Variants in NBR1 observed in about 807,000 individuals in gnomAD.
NBR1 encodes NBR1 autophagy cargo receptor, also known as next to BRCA1 gene 1 protein.
In NBR1, 59 loss-of-function variants were observed where a neutral mutation model predicts 115.5. The ratio of observed to expected loss-of-function variants is 0.51; its 90% CI spans 0.41 to 0.63. The LOEUF (loss-of-function observed/expected upper bound fraction) is 0.63, where lower values mean the gene tolerates loss of function less well. Among genes scored for constraint, NBR1 ranks in the 30% least tolerant of loss-of-function variants. The probability of loss-of-function intolerance (pLI) is 0.00; values close to 1 mark genes in which losing one functional copy is unlikely to be tolerated. For missense variants in NBR1, 1,043 were observed against 1,150.5 expected (o/e 0.91, Z 1.35); for synonymous variants, 373 against 414.7 (o/e 0.90, Z 1.22).
rs2057248808 is a variant in NBR1 at position 43,203,539 on chromosome 17, T to C, written c.2622-142T>C. ...CCATGATCTGTAGCTATAAAGCTGA[T>C]AATGAAAGCAATTGTGTTCTCTTTT... On this transcript the variant is annotated intron_variant, in intron 19 of 20. Transcript: ENST00000590996. 1.8e-5 allele frequency: 10 copies of C among 566,148 alleles called. No individual in the cohort carries two copies. The South Asian group carries it at 2.2e-4, about 12-fold the overall frequency. The allele number at this position is 566,148 out of a possible 1,614,324, so 35.1% of individuals were successfully genotyped here. A position where few individuals can be genotyped will look rare whatever the true frequency, so the allele number is the denominator to read the frequency against.
In NBR1 at chr17:43,209,768, A is replaced by T. The variant is rs1468250816; in HGVS notation, c.2728-133A>T. 8.8e-6 allele frequency: 13 copies of T among 1,483,546 alleles called. No homozygotes were observed. In the East Asian group the frequency reaches 2.5e-4, roughly 28 times the overall value. The allele number at this position is 1,483,546 out of a possible 1,614,324, so 91.9% of individuals were successfully genotyped here. A position where few individuals can be genotyped will look rare whatever the true frequency, so the allele number is the denominator to read the frequency against. ...AGTACACAGGAGTGCCATAGCCTTG[A>T]ATCTAATTACCTAGTACTTTGAATA... On this transcript the variant is annotated intron_variant, in intron 20 of 20. Coordinates refer to ENST00000590996, the MANE Select transcript of NBR1 (RefSeq NM_005899.5).
intron 3 of NBR1, 63 bp from the exon 4 acceptor site, chr17:43,179,330 AG>A: frequency 6.7e-7 from 1 of 1,484,686 alleles, no homozygotes; most frequent in South Asian, 1.2e-5. Context: ...GGCTGGTCCT[AG>A]TAACAGAAAT....
intron 18 of NBR1, 126 bp downstream of exon 18, chr17:43,201,906 G>T: frequency 3.2e-6 from 2 of 631,814 alleles, no homozygotes; most frequent in Non-Finnish European, 5.6e-6. Flanking sequence ...CAGGCCAGGC[G>T]TGGTGGCTCA....
At chr17:43,204,258 A>G (rs879748551) in intron 20 of NBR1, among the ~76,000 whole-genome samples, 3 of 151,996 alleles carry the variant, frequency 2.0e-5, no homozygotes, top group Non-Finnish European at 4.4e-5. Context: ...CTTTCTAACT[A>G]TATGACTTTA....
At position 43,186,523 on chromosome 17, in the gene NBR1, TTA is replaced by T. The variant is rs2154582110; in HGVS notation, c.402+81_402+82del. ...ATAAAGCTGAACAGGTTTCTTTATT[TTA>T]TTTTTTTATTATACTTTAAGTTCTG... is the stretch of plus-strand genomic sequence containing the variant. On this transcript the variant is annotated intron_variant, in intron 6 of 20. Transcript: ENST00000590996. The T allele has an allele frequency of 8.4e-6, 10 of 1,186,856 alleles. No homozygotes were observed. The South Asian group carries it at 2.1e-4, about 25-fold the overall frequency. 73.5% of individuals were successfully genotyped at this position (1,186,856 alleles called of 1,614,324 possible).
At chr17:43,202,748 G>A (rs1322597861) in intron 19 of NBR1, 36 bp downstream of exon 19, 5 of 1,512,114 alleles carry the variant, frequency 3.3e-6, no homozygotes, top group Middle Eastern at 1.7e-4. Context: ...TTCAGAAGCA[G>A]GTGGATATTC....
At position 43,193,403 on chromosome 17, in the gene NBR1, T is replaced by C; in HGVS notation, c.1289T>C (p.Leu430Ser). Reference protein sequence around the residue: ...TLASTEKKDVLVPCLKAGHVG... With the variant: ...TLASTEKKDVSVPCLKAGHVG... ...GCTTCCACAGAAAAGAAGGATGTTT[T>C]GGTTCCCTGCCTCAAGGCCGGCCAT... The change falls in exon 12 of 21, where the codon TTG becomes TCG. Residue 430 changes from leucine (L) to serine (S), a missense_variant. Transcript: ENST00000590996. 6.2e-7 allele frequency: 1 copy of C among 1,614,024 alleles called. No individual in the cohort carries two copies. Among genetic ancestry groups the C allele is most frequent in the Non-Finnish European group, 8.5e-7 (1 of 1,179,896 alleles).
chr17:43,189,809 A>G lies in NBR1; in HGVS notation c.695+7A>G. 2.5e-6 allele frequency: 4 copies of G among 1,612,756 alleles called. No homozygotes were observed. The highest frequency in any genetic ancestry group is 3.4e-6 in the Non-Finnish European group (4 of 1,179,512). ...GTGTCCGCTACCAGTGTAGGTAAGC[A>G]GTTGCTTGGGAGTAGCTAGCTAGTG... On this transcript the variant is annotated splice_region_variant and intron_variant, in intron 8 of 20. Coordinates refer to ENST00000590996, the MANE Select transcript of NBR1 (RefSeq NM_005899.5).
chr17:43,202,821 G>A, intron 19 of NBR1, 109 bp downstream of exon 19: 1 of 844,668 alleles, frequency 1.2e-6, no homozygotes, highest in Non-Finnish European at 1.9e-6. Context: ...GAGCAGAGAA[G>A]GGGAGCCTTT....
Position 43,189,847 on chromosome 17 carries a change from G to A in NBR1, c.695+45G>A, listed in dbSNP as rs1465946125. On this transcript the variant is annotated intron_variant, in intron 8 of 20. Transcript: ENST00000590996. ...TAGCTAGCTAGTGATAGACCTTACA[G>A]CTTTTACCTCCCTGGCTTTCTGTGT... 3 of 1,517,190 alleles carry A rather than the reference G, an allele frequency of 2.0e-6. No individual in the cohort carries two copies. The African/African-American group carries it at 4.1e-5, about 21-fold the overall frequency. The allele number at this position is 1,517,190 out of a possible 1,614,324, so 94.0% of individuals were successfully genotyped here. A position where few individuals can be genotyped will look rare whatever the true frequency, so the allele number is the denominator to read the frequency against.
chr17:43,193,090 T>G lies in NBR1; in HGVS notation c.1074-4T>G, dbSNP rs759409739. ...AGTGACTAAGCATCTGAATTTCTGT[T>G]CAGGCTCCCTTTGCAGCCCTGTACC... On this transcript the variant is annotated splice_region_variant and splice_polypyrimidine_tract_variant and intron_variant, in intron 10 of 20. Coordinates refer to ENST00000590996, the MANE Select transcript of NBR1 (RefSeq NM_005899.5). 3 of 1,612,894 alleles carry G rather than the reference T, an allele frequency of 1.9e-6. No individual in the cohort carries two copies. Among genetic ancestry groups the G allele is most frequent in the Admixed American group, 3.3e-5 (2 of 59,896 alleles).
chr17:43,191,443 G>A lies in NBR1; in HGVS notation c.935G>A (p.Arg312His), dbSNP rs115552058. ...KQRLRAEKKQ[R>H]KAEVKELKKQ... is the part of the protein sequence containing the mutation. ...AGGTTGCGAGCTGAGAAGAAACAAC[G>A]TAAAGCAGAGGTCAAGGAACTTAAA... The change falls in exon 10 of 21, where the codon CGT becomes CAT. Residue 312 changes from arginine (R) to histidine (H), a missense_variant. Coordinates refer to ENST00000590996, the MANE Select transcript of NBR1 (RefSeq NM_005899.5). 2.7e-3 allele frequency: 4,365 copies of A among 1,613,094 alleles called. 72 individuals are homozygous for A. The African/African-American group carries it at 0.046, about 17-fold the overall frequency.
At position 43,189,104 on chromosome 17, in the gene NBR1, A is replaced by G. The variant is rs1014516172; in HGVS notation, c.465A>G (p.Thr155=). 2.5e-6 allele frequency: 4 copies of G among 1,611,216 alleles called. No individual in the cohort carries two copies. The highest frequency in any genetic ancestry group is 3.3e-4 in the Middle Eastern group (2 of 6,080). Residue 155 remains threonine, a synonymous_variant, in exon 7 of 21, where the codon ACA becomes ACG. Coordinates refer to ENST00000590996, the MANE Select transcript of NBR1 (RefSeq NM_005899.5). ...QPQDKPPDWF[T]SYLETFREQV... is the part of the protein sequence containing the mutation. ...AAGACAAGCCCCCAGACTGGTTCACAAGCTACCTGGAGACGGTGAGTGTTC... is the reference window on the plus strand; with the variant it reads ...AAGACAAGCCCCCAGACTGGTTCACGAGCTACCTGGAGACGGTGAGTGTTC...
chr17:43,176,821 A>G (rs2056528072), intron 2 of NBR1: 1 of 152,108 alleles, frequency 6.6e-6, no homozygotes, highest in Non-Finnish European at 1.5e-5. Context: ...ATACATGCCC[A>G]TTTTAAGAAG....
rs1330426594 is a variant in NBR1 at position 43,209,981 on chromosome 17, A to G, written c.2808A>G (p.Leu936=). Residue 936 remains leucine (L), a synonymous_variant, in exon 21 of 21, where the codon CTA becomes CTG. Coordinates refer to ENST00000590996, the MANE Select transcript of NBR1 (RefSeq NM_005899.5). ...EMGFCDRQLN[L]RLLKKHNYNI... ...GATTCTGTGACAGGCAGCTGAACCT[A>G]CGGCTGCTGAAGAAACACAATTACA... 1.2e-6 allele frequency: 2 copies of G among 1,612,098 alleles called. No homozygotes were observed. Among genetic ancestry groups the G allele is most frequent in the African/African-American group, 2.7e-5 (2 of 74,732 alleles).
chr17:43,183,704 G>A (rs2056730655), intron 5 of NBR1, among the ~76,000 whole-genome samples: 1 of 152,160 alleles, frequency 6.6e-6, no homozygotes, highest in Non-Finnish European at 1.5e-5. Flanking sequence ...CTGTCACCCA[G>A]ACTGGAGTGC....
intron 6 of NBR1, among the ~76,000 whole-genome samples, chr17:43,188,170 G>A (rs1050475928): frequency 6.6e-6 from 1 of 152,176 alleles, no homozygotes; most frequent in African/African-American, 2.4e-5. Context: ...GATTACAGGC[G>A]TGAGCCACTG....
intron 20 of NBR1, chr17:43,209,460 C>T: frequency 2.1e-6 from 2 of 964,846 alleles, no homozygotes; most frequent in Non-Finnish European, 3.1e-6. Context: ...TGTCCAGCTC[C>T]TCTGCATATC....
At position 43,193,102 on chromosome 17, in the gene NBR1, T is replaced by G; in HGVS notation, c.1082T>G (p.Leu361Trp). ...TCTGAATTTCTGTTCAGGCTCCCTT[T>G]GCAGCCCTGTACCTCCGTTATGCCA... The part of the protein sequence containing the change: ...LLQSNTLMLP[L>W]QPCTSVMPML... Residue 361 changes from leucine to tryptophan, a missense_variant, in exon 11 of 21, where the codon TTG becomes TGG. By Grantham distance (61) the Leu-to-Trp change is moderately conservative. Coordinates refer to ENST00000590996, the MANE Select transcript of NBR1 (RefSeq NM_005899.5). 1 of 1,613,776 alleles carries G rather than the reference T, an allele frequency of 6.2e-7. No individual in the cohort carries two copies. Among genetic ancestry groups the G allele is most frequent in the Non-Finnish European group, 8.5e-7 (1 of 1,179,770 alleles).
Sources: gnomAD v4.1 joint callset for allele counts (sites outside exome capture counted in the v4.1 genomes callset) on GRCh38, gnomAD v4.1.1 for gene constraint, MANE v1.5 for transcripts, NCBI Gene and HGNC (gene_info 2026-07-23, HGNC 2026-07-21) for gene names.